N4BP2: variants seen among roughly 807,000 people sequenced by gnomAD.
N4BP2 encodes NEDD4-binding protein 2.
A neutral mutation model predicts 152.8 loss-of-function variants in N4BP2; 91 were observed. That is an observed-to-expected ratio of 0.60 (90% confidence interval 0.50 to 0.71). N4BP2 has a LOEUF of 0.71. Among genes scored for constraint, N4BP2 ranks in the 30% least tolerant of loss-of-function variants. The pLI is 0.00. For missense variants in N4BP2, 1,923 were observed against 2,059.1 expected (o/e 0.93, Z 1.28); for synonymous variants, 646 against 705.3 (o/e 0.92, Z 1.33).
chr4:40,109,036 C>T (rs762710326), intron 5 of N4BP2, among the ~76,000 whole-genome samples: 3 of 151,708 alleles, frequency 2.0e-5, no homozygotes, highest in Non-Finnish European at 4.4e-5. Context: ...AGGATGGTCT[C>T]GATCTCTTAA....
At chr4:40,176,347 T>G in the N4BP2 span, among the ~76,000 whole-genome samples, 1 of 152,220 alleles carries the variant, frequency 6.6e-6, no homozygotes, top group South Asian at 2.1e-4. Context: ...TTGTTGGACA[T>G]TCATGCTGAT....
At chr4:40,067,437 G>A (rs968384386) in intron 1 of N4BP2, among the ~76,000 whole-genome samples, 1 of 151,046 alleles carries the variant, frequency 6.6e-6, no homozygotes, top group African/African-American at 2.4e-5. Flanking sequence ...ACTTGTTGAT[G>A]GACATTTAGG....
the N4BP2 span, among the ~76,000 whole-genome samples, chr4:40,169,032 A>G: frequency 6.6e-6 from 1 of 151,730 alleles, no homozygotes; most frequent in Non-Finnish European, 1.5e-5. Context: ...GGCCAAATAT[A>G]TATATTTCTA....
chr4:40,068,864 A>G (rs1442556978), intron 1 of N4BP2, among the ~76,000 whole-genome samples: 1 of 152,186 alleles, frequency 6.6e-6, no homozygotes, highest in Non-Finnish European at 1.5e-5. Context: ...CACGCCTGTA[A>G]TCTCAGCACT....
At chr4:40,186,427 T>G in the N4BP2 span, among the ~76,000 whole-genome samples, 141 of 152,316 alleles carry the variant, frequency 9.3e-4, no homozygotes, top group African/African-American at 3.2e-3. Flanking sequence ...AAATGATAGA[T>G]GCTCATTACA....
the N4BP2 span, among the ~76,000 whole-genome samples, chr4:40,186,095 C>G: frequency 6.6e-6 from 1 of 152,122 alleles, no homozygotes; most frequent in South Asian, 2.1e-4. Flanking sequence ...AAAGTTAAGA[C>G]AGGCCTTTTA....
At chr4:40,108,068 T>C (rs564750300) in intron 5 of N4BP2, among the ~76,000 whole-genome samples, 2 of 151,660 alleles carry the variant, frequency 1.3e-5, no homozygotes, top group Middle Eastern at 3.4e-3. Flanking sequence ...GTTGGGACTA[T>C]AGGTGTGTGA....
intron 3 of N4BP2, among the ~76,000 whole-genome samples, chr4:40,100,430 G>A (rs1458857943): frequency 3.5e-5 from 5 of 144,770 alleles, no homozygotes; most frequent in African/African-American, 1.1e-4. Context: ...AGGCTGGAGC[G>A]CAGTAATCAC....
chr4:40,067,035 C>T (rs1378542264), intron 1 of N4BP2, among the ~76,000 whole-genome samples: 1 of 148,902 alleles, frequency 6.7e-6, no homozygotes, highest in Non-Finnish European at 1.5e-5. Context: ...TTCCATGTTG[C>T]AGCATATGAC....
intron 13 of N4BP2, 96 bp downstream of exon 13, chr4:40,132,015 A>G: frequency 3.6e-6 from 3 of 835,648 alleles, no homozygotes; most frequent in Non-Finnish European, 4.0e-6. Flanking sequence ...ATGTAAGTCT[A>G]CAGTAGTCTC....
At chr4:40,147,994 C>T (rs1209016243) in intron 16 of N4BP2, among the ~76,000 whole-genome samples, 1 of 152,046 alleles carries the variant, frequency 6.6e-6, no homozygotes, top group Non-Finnish European at 1.5e-5. Context: ...AGGCGCTCCT[C>T]ACTTCCCAGA....
chr4:40,106,602 A>T (rs1716315437), intron 4 of N4BP2, among the ~76,000 whole-genome samples: 1 of 152,000 alleles, frequency 6.6e-6, no homozygotes. Flanking sequence ...AGGCTGGAGT[A>T]CGGTGGCGCA....
At chr4:40,161,952 A>G (rs184818413), downstream of N4BP2, among the ~76,000 whole-genome samples, 1 of 152,324 alleles carries the variant, frequency 6.6e-6, no homozygotes, top group African/African-American at 2.4e-5. Flanking sequence ...CACTGTTGCC[A>G]CAGCTGTCTC....
At chr4:40,118,128 G>C (rs1018505551) in intron 8 of N4BP2, 104 bp downstream of exon 8, 1 of 1,025,206 alleles carries the variant, frequency 9.8e-7, no homozygotes, top group Non-Finnish European at 1.3e-6. Flanking sequence ...TTAAAAATAA[G>C]GTGGACTTGG....
intron 16 of N4BP2, among the ~76,000 whole-genome samples, chr4:40,146,606 A>C (rs1369274820): frequency 6.6e-6 from 1 of 152,250 alleles, no homozygotes; most frequent in Non-Finnish European, 1.5e-5. Flanking sequence ...CACATTGTAA[A>C]GTGATTACCA....
intron 2 of N4BP2, among the ~76,000 whole-genome samples, chr4:40,091,449 A>G (rs1714537081): frequency 6.6e-6 from 1 of 152,046 alleles, no homozygotes; most frequent in Non-Finnish European, 1.5e-5. Context: ...TTTTTCTGGT[A>G]GTTACCATGA....
intron 16 of N4BP2, among the ~76,000 whole-genome samples, chr4:40,147,110 A>G (rs1326521646): frequency 6.8e-6 from 1 of 148,132 alleles, no homozygotes; most frequent in Admixed American, 6.7e-5. Flanking sequence ...ATTGGTGATG[A>G]CTCTTAACGA....
chr4:40,122,209 G>C lies in N4BP2; in HGVS notation c.4098G>C (p.Ala1366=), dbSNP rs761461376. Residue 1366 remains alanine, a synonymous_variant, in exon 9 of 18, where the codon GCG becomes GCC. Transcript: ENST00000261435. The part of the protein sequence containing the change: ...DKTEILNPTP[A]MAKSLTIDCL... ...CCGAGATATTGAATCCCACTCCAGC[G>C]ATGGCCAAATCTCTGACCATAGACT... 3.9e-5 allele frequency: 63 copies of C among 1,613,686 alleles called. No individual in the cohort carries two copies. The highest frequency in any genetic ancestry group is 5.3e-5 in the Non-Finnish European group (62 of 1,179,818).
At chr4:40,189,352 T>C in the N4BP2 span, among the ~76,000 whole-genome samples, 1 of 152,096 alleles carries the variant, frequency 6.6e-6, no homozygotes, top group Non-Finnish European at 1.5e-5. This position sits in a 1 kb window ranked among gnomAD's most constrained non-coding sequence, Gnocchi z 4.3. Flanking sequence ...GAAAAGACTT[T>C]CAAAGATTCA....
Sources: gnomAD v4.1 joint callset for allele counts (sites outside exome capture counted in the v4.1 genomes callset) on GRCh38, gnomAD v4.1.1 for gene constraint, Gnocchi (gnomAD v3.1) non-coding constraint, MANE v1.5 for transcripts, NCBI Gene and HGNC (gene_info 2026-07-23, HGNC 2026-07-21) for gene names.